Variants in JPT2 observed in about 807,000 individuals in gnomAD.
JPT2 encodes the protein Jupiter microtubule associated homolog 2.
Under a neutral mutation model 15.9 loss-of-function variants are expected in JPT2, and 9 were observed. That is an observed-to-expected ratio of 0.57 (90% confidence interval 0.34 to 0.99). JPT2 has a LOEUF of 0.99. JPT2 is among the 50% of genes least tolerant of loss of function. The probability of loss-of-function intolerance (pLI) is 0.02; values close to 1 mark genes in which losing one functional copy is unlikely to be tolerated. For synonymous variants in JPT2, 95 were observed against 91.7 expected (o/e 1.04, Z -0.21); for missense variants, 267 against 252.1 (o/e 1.06, Z -0.40).
intron 3 of JPT2, among the ~76,000 whole-genome samples, chr16:1,697,358 G>GA (rs1352119675): frequency 6.6e-6 from 1 of 152,086 alleles, no homozygotes; most frequent in Admixed American, 6.5e-5. Flanking sequence ...ACAAAAAATA[G>GA]AAAAATTAGC....
chr16:1,683,078 G>A (rs1467363211), intron 1 of JPT2, among the ~76,000 whole-genome samples: 1 of 152,154 alleles, frequency 6.6e-6, no homozygotes, highest in African/African-American at 2.4e-5. Flanking sequence ...CCGGGTTCAC[G>A]CCATTCTCCT....
intron 1 of JPT2, among the ~76,000 whole-genome samples, chr16:1,681,878 C>A (rs1045913727): frequency 6.6e-6 from 1 of 152,176 alleles, no homozygotes; most frequent in African/African-American, 2.4e-5. Flanking sequence ...GGAATCAGAT[C>A]TGACAGTTTG....
At chr16:1,691,178 G>C (rs887584958) in intron 2 of JPT2, among the ~76,000 whole-genome samples, 1 of 152,240 alleles carries the variant, frequency 6.6e-6, no homozygotes, top group Admixed American at 6.5e-5. Flanking sequence ...TCTTTCTGTG[G>C]AATGTTAGGC....
intron 1 of JPT2, among the ~76,000 whole-genome samples, chr16:1,683,008 C>T (rs1395438717): frequency 1.3e-5 from 2 of 152,092 alleles, no homozygotes; most frequent in East Asian, 1.9e-4. Flanking sequence ...GACGGAATCT[C>T]GCTCTGTCAC....
chr16:1,699,196 G>T lies in JPT2; in HGVS notation c.*198G>T. 5.7e-6 allele frequency: 4 copies of T among 701,446 alleles called. No individual in the cohort carries two copies. 43.5% of individuals were successfully genotyped at this position (701,446 alleles called of 1,614,324 possible). A position where few individuals can be genotyped will look rare whatever the true frequency, so the allele number is the denominator to read the frequency against. On this transcript the variant is annotated 3_prime_UTR_variant, in exon 5 of 5. Coordinates refer to ENST00000248098, the MANE Select transcript of JPT2 (RefSeq NM_144570.3). ...CAGATGGCTGGGAGATGCCTCTGTG[G>T]GGATGAAATGGGGCACCCCTGGCCA...
chr16:1,680,598 C>A, intron 1 of JPT2: 1 of 882,674 alleles, frequency 1.1e-6, no homozygotes, highest in Non-Finnish European at 1.4e-6. Flanking sequence ...GTAAGCGTCA[C>A]ATTTAGTTTT....
intron 1 of JPT2, chr16:1,680,341 T>G (rs975492775): frequency 4.0e-6 from 4 of 1,000,976 alleles, no homozygotes; most frequent in Non-Finnish European, 2.4e-6. Flanking sequence ...GTTTTTATAT[T>G]GACTTTCACG....
intron 3 of JPT2, among the ~76,000 whole-genome samples, chr16:1,697,503 A>T (rs1319199622): frequency 6.8e-6 from 1 of 147,442 alleles, no homozygotes; most frequent in Non-Finnish European, 1.5e-5. Flanking sequence ...ACTGAACAAG[A>T]CTCTTGTCTC....
chr16:1,698,324 A>G lies in JPT2; in HGVS notation c.385+464A>G, dbSNP rs959518289. Among the ~76,000 whole-genome samples, 10 of 152,206 alleles carry G rather than the reference A, an allele frequency of 6.6e-5. No homozygotes were observed. Among genetic ancestry groups the G allele is most frequent in the Admixed American group, 1.3e-4 (2 of 15,284 alleles). On this transcript the variant is annotated intron_variant, in intron 4 of 4. Coordinates refer to ENST00000248098, the MANE Select transcript of JPT2 (RefSeq NM_144570.3). This position sits in a 1 kb window ranked among gnomAD's most constrained non-coding sequence, Gnocchi z 4.9. ...ACGGCTCTTTAGCCTGACCATGGGC[A>G]TCGGTTTCTGCCTTTGGGTCTCCAT...
In JPT2 at chr16:1,695,406, A is replaced by C. The variant is rs777484867; in HGVS notation, c.337-2406A>C. 1.5e-3 allele frequency among the ~76,000 whole-genome samples: 170 copies of C among 110,292 alleles called. 2 individuals are homozygous for C. The highest frequency in any genetic ancestry group is 1.8e-3 in the Non-Finnish European group (100 of 54,354). The allele number at this position is 110,292 out of a possible 152,430, so 72.4% of individuals were successfully genotyped here. ...GGCAACAAGAGCGAAACTCCGTCCC[A>C]AAAAAAAAAAAAAAAATCAGTTGCG... is the stretch of plus-strand genomic sequence containing the variant. On this transcript the variant is annotated intron_variant, in intron 3 of 4. Transcript: ENST00000248098.
intron 1 of JPT2, chr16:1,683,695 A>T: frequency 2.6e-6 from 2 of 778,904 alleles, no homozygotes; most frequent in Non-Finnish European, 4.2e-6. Flanking sequence ...ATAGCAGGAG[A>T]TCTGAGAACT....
intron 2 of JPT2, 141 bp from the exon 3 acceptor site, chr16:1,691,702 G>A: frequency 1.0e-6 from 1 of 965,450 alleles, no homozygotes; most frequent in Admixed American, 2.7e-5. Flanking sequence ...TTCAGTCTGA[G>A]CATCCTGCCC....
intron 3 of JPT2, among the ~76,000 whole-genome samples, chr16:1,692,749 C>T (rs773067736): frequency 3.3e-5 from 5 of 152,186 alleles, no homozygotes; most frequent in Non-Finnish European, 5.9e-5. Context: ...ACATAATTAG[C>T]GATATTTTTT....
chr16:1,682,870 T>G (rs1278782844), intron 1 of JPT2, among the ~76,000 whole-genome samples: 1 of 152,146 alleles, frequency 6.6e-6, no homozygotes, highest in Non-Finnish European at 1.5e-5. Context: ...TGTACAGTGA[T>G]GCAATCATGG....
chr16:1,686,607 T>G (rs1248128255), intron 2 of JPT2: 1 of 151,632 alleles, frequency 6.6e-6, no homozygotes, highest in Non-Finnish European at 1.5e-5. Context: ...GAGAATCACT[T>G]GAACCCGGGA....
At chr16:1,679,634 T>C (rs1338283600) in intron 1 of JPT2, among the ~76,000 whole-genome samples, 1 of 146,464 alleles carries the variant, frequency 6.8e-6, no homozygotes, top group African/African-American at 2.6e-5. Flanking sequence ...GAGGCAGAGG[T>C]GGCAGCGAGC....
intron 3 of JPT2, 85 bp downstream of exon 3, chr16:1,692,070 GT>G: frequency 1.3e-6 from 2 of 1,515,942 alleles, no homozygotes; most frequent in African/African-American, 1.4e-5. Context: ...GATGCGACAT[GT>G]TTTTAGGGAG....
chr16:1,691,080 A>G (rs2037100690), intron 2 of JPT2, among the ~76,000 whole-genome samples: 1 of 152,124 alleles, frequency 6.6e-6, no homozygotes, highest in Non-Finnish European at 1.5e-5. Flanking sequence ...AATGACACCA[A>G]CCTCCATTTA....
intron 1 of JPT2, among the ~76,000 whole-genome samples, chr16:1,684,955 G>C (rs1324996482): frequency 6.6e-6 from 1 of 151,552 alleles, no homozygotes; most frequent in Non-Finnish European, 1.5e-5. Flanking sequence ...CTAAAGAGCA[G>C]CAGAAGTAGT....
Sources: gnomAD v4.1 joint callset for allele counts (sites outside exome capture counted in the v4.1 genomes callset) on GRCh38, gnomAD v4.1.1 for gene constraint, Gnocchi (gnomAD v3.1) non-coding constraint, MANE v1.5 for transcripts, NCBI Gene and HGNC (gene_info 2026-07-23, HGNC 2026-07-21) for gene names.